CADM1: variants seen among roughly 807,000 people sequenced by gnomAD.
CADM1 encodes the protein TSLC-1.
In CADM1, 15 loss-of-function variants were observed where a neutral mutation model predicts 53.1. The ratio of observed to expected loss-of-function variants is 0.28; its 90% CI spans 0.19 to 0.44. CADM1 has a LOEUF of 0.44. Among genes scored for constraint, CADM1 ranks in the 20% least tolerant of loss-of-function variants. The probability of loss-of-function intolerance (pLI) is 1.00; values close to 1 mark genes in which losing one functional copy is unlikely to be tolerated. For missense variants in CADM1, 434 were observed against 611.3 expected, an observed-to-expected ratio of 0.71 and a Z score of 3.06; for synonymous variants, 281 against 243.0, an observed-to-expected ratio of 1.16 and a Z score of -1.45.
intron 1 of CADM1, among the ~76,000 whole-genome samples, chr11:115,481,922 C>T (rs770134218): frequency 6.6e-6 from 1 of 152,136 alleles, no homozygotes; most frequent in Non-Finnish European, 1.5e-5. Context: ...TGCACCCTCC[C>T]GCTCCCCTCA....
chr11:115,263,043 T>C (rs1392969949), intron 1 of CADM1, among the ~76,000 whole-genome samples: 2 of 152,248 alleles, frequency 1.3e-5, no homozygotes, highest in African/African-American at 4.8e-5. Context: ...GTTTGTTTCA[T>C]GCTTTCTCAT....
rs944942673 is a variant in CADM1, at chr11:115,338,195, G to C, written c.125-97775C>G. Among the ~76,000 whole-genome samples the C allele has an allele frequency of 5.9e-5, 9 of 152,238 alleles. 1 individual carries two copies. In the Middle Eastern group the frequency reaches 0.014, roughly 230 times the overall value. ...TACGGTGTTACTATATGCTAGAAAC[G>C]ATTCTAAGTACTTCGCATATGTTAA... On this transcript the variant is annotated intron_variant, in intron 1 of 11. Transcript: ENST00000331581.
Position 115,241,745 on chromosome 11 carries a change from T to C in CADM1, c.125-1325A>G, listed in dbSNP as rs546489072. The stretch of plus-strand genomic sequence containing the variant: ...TTAAGCCATTATGCATTGGGAGTAG[T>C]GTGGATCCAAGAATAAGGCTCCTGC... On this transcript the variant is annotated intron_variant, in intron 1 of 11. Transcript: ENST00000331581. Among the ~76,000 whole-genome samples, 7 of 152,276 alleles carry C rather than the reference T, an allele frequency of 4.6e-5. No individual in the cohort carries two copies. In the South Asian group the frequency reaches 1.5e-3, roughly 32 times the overall value.
At chr11:115,209,746 G>C in intron 7 of CADM1, 89 bp from the exon 8 acceptor site, 1 of 1,506,548 alleles carries the variant, frequency 6.6e-7, no homozygotes, top group Admixed American at 1.9e-5. Flanking sequence ...AGGACATTGA[G>C]ATGTTTGTTT....
chr11:115,438,584 T>C lies in CADM1; in HGVS notation c.124+65687A>G, dbSNP rs220855. 6.1e-3 allele frequency among the ~76,000 whole-genome samples: 932 copies of C among 152,304 alleles called. 12 individuals carry two copies. Among genetic ancestry groups the C allele is most frequent in the African/African-American group, 0.021 (857 of 41,576 alleles). On this transcript the variant is annotated intron_variant, in intron 1 of 11. Transcript: ENST00000331581. ...CTTGTCTAACTTATTTTCATAGCTC[T>C]AGAAAAATTTATAGGCAAGTGCCAC...
chr11:115,400,406 C>T (rs893995040), intron 1 of CADM1, among the ~76,000 whole-genome samples: 6 of 151,228 alleles, frequency 4.0e-5, no homozygotes, highest in South Asian at 2.1e-4. Context: ...TATGATGAGA[C>T]GTCACATCTC....
At chr11:115,494,070 AT>A (rs1259908314) in intron 1 of CADM1, among the ~76,000 whole-genome samples, 4 of 152,176 alleles carry the variant, frequency 2.6e-5, no homozygotes, top group Non-Finnish European at 5.9e-5. Flanking sequence ...AGTATTCATC[AT>A]GATGCAATGT....
intron 1 of CADM1, among the ~76,000 whole-genome samples, chr11:115,414,682 G>A (rs1947549403): frequency 6.6e-6 from 1 of 150,654 alleles, no homozygotes; most frequent in Non-Finnish European, 1.5e-5. Context: ...AATAAATTCA[G>A]GCTAAACACT....
intron 1 of CADM1, among the ~76,000 whole-genome samples, chr11:115,265,831 G>A (rs76741584): frequency 6.6e-6 from 1 of 152,152 alleles, no homozygotes; most frequent in Non-Finnish European, 1.5e-5. Context: ...TCCCCTCTCA[G>A]GTCTTTTCTT....
chr11:115,337,116 C>A lies in CADM1; in HGVS notation c.125-96696G>T, dbSNP rs1456428294. ...AAACTGAGTTTAAAACCAAGTCTGT[C>A]TAAGCTTGGCTGAGTCCAAAGATGA... On this transcript the variant is annotated intron_variant, in intron 1 of 11. Coordinates refer to ENST00000331581, the MANE Select transcript of CADM1 (RefSeq NM_001301043.2). 5.3e-5 allele frequency among the ~76,000 whole-genome samples: 8 copies of A among 152,266 alleles called. No individual in the cohort carries two copies. In the South Asian group the frequency reaches 1.7e-3, roughly 32 times the overall value.
chr11:115,469,245 A>AT (rs1464933538), intron 1 of CADM1, among the ~76,000 whole-genome samples: 2 of 152,244 alleles, frequency 1.3e-5, no homozygotes, highest in African/African-American at 4.8e-5. Context: ...CCACTCCTCT[A>AT]TAAAAAATAA....
intron 1 of CADM1, among the ~76,000 whole-genome samples, chr11:115,491,615 C>T (rs1487791750): frequency 6.6e-6 from 1 of 151,846 alleles, no homozygotes; most frequent in Non-Finnish European, 1.5e-5. Flanking sequence ...CCAAGTAAAA[C>T]TATGAACTTG....
At chr11:115,412,055 C>T (rs779260931) in intron 1 of CADM1, among the ~76,000 whole-genome samples, 27 of 152,106 alleles carry the variant, frequency 1.8e-4, no homozygotes, top group Non-Finnish European at 3.1e-4. Flanking sequence ...GCAATATATG[C>T]TTTTTATTCT....
chr11:115,270,026 A>G (rs75369272), intron 1 of CADM1, among the ~76,000 whole-genome samples: 2 of 152,160 alleles, frequency 1.3e-5, no homozygotes, highest in African/African-American at 4.8e-5. Flanking sequence ...GATTTGTGTA[A>G]AAGTGTGCAG....
chr11:115,221,096 C>T (rs1941389263), intron 5 of CADM1, among the ~76,000 whole-genome samples: 1 of 152,194 alleles, frequency 6.6e-6, no homozygotes, highest in Non-Finnish European at 1.5e-5. Flanking sequence ...TGTTGTAAGG[C>T]ATGAGGCCAA....
At chr11:115,330,388 T>C (rs1196059137) in intron 1 of CADM1, among the ~76,000 whole-genome samples, 3 of 152,214 alleles carry the variant, frequency 2.0e-5, no homozygotes, top group Admixed American at 6.5e-5. Flanking sequence ...TGCAGATCTC[T>C]ACAATTTCTT....
intron 1 of CADM1, among the ~76,000 whole-genome samples, chr11:115,484,747 A>G (rs1017883459): frequency 6.6e-6 from 1 of 152,090 alleles, no homozygotes; most frequent in African/African-American, 2.4e-5. Context: ...GGAGATTGAG[A>G]CCATCCTGGC....
At position 115,174,142 on chromosome 11, in the gene CADM1, C is replaced by G. The variant is rs1938905428; in HGVS notation, c.*2332G>C. ...AAAACACCAATCGCAACACATGAAC[C>G]TGAGACATGTCAACATTGTAAGCCA... On this transcript the variant is annotated 3_prime_UTR_variant, in exon 12 of 12. Coordinates refer to ENST00000331581, the MANE Select transcript of CADM1 (RefSeq NM_001301043.2). 2 of 985,364 alleles carry G rather than the reference C, an allele frequency of 2.0e-6. No individual in the cohort carries two copies. Among genetic ancestry groups the G allele is most frequent in the Non-Finnish European group, 1.2e-6 (1 of 829,906 alleles). The allele number at this position is 985,364 out of a possible 1,614,324, so 61.0% of individuals were successfully genotyped here.
chr11:115,334,821 T>C (rs1945225083), intron 1 of CADM1, among the ~76,000 whole-genome samples: 1 of 152,128 alleles, frequency 6.6e-6, no homozygotes, highest in East Asian at 1.9e-4. Flanking sequence ...ATAGGAAATA[T>C]ACACACTGAA....
Sources: gnomAD v4.1 joint callset for allele counts (sites outside exome capture counted in the v4.1 genomes callset) on GRCh38, gnomAD v4.1.1 for gene constraint, MANE v1.5 for transcripts, NCBI Gene and HGNC (gene_info 2026-07-23, HGNC 2026-07-21) for gene names.